MAGEA4: variants seen among roughly 807,000 people sequenced by gnomAD.
The protein encoded by MAGEA4 is melanoma-associated antigen 4.
Under a neutral mutation model 13.7 loss-of-function variants are expected in MAGEA4, and 1 was observed. The observed-to-expected ratio is 0.07, with a 90% CI of 0.03 to 0.35. The LOEUF is 0.35. Ranked by LOEUF, MAGEA4 falls within the 10% of genes least tolerant of loss-of-function variation. The probability of loss-of-function intolerance (pLI) is 0.99; values close to 1 mark genes in which losing one functional copy is unlikely to be tolerated. For synonymous variants in MAGEA4, 132 were observed against 101.1 expected, an observed-to-expected ratio of 1.31 and a Z score of -1.83; for missense variants, 312 against 245.1, an observed-to-expected ratio of 1.27 and a Z score of -1.82.
chrX:151,921,048 G>T (rs890642886), intron 1 of MAGEA4, among the ~76,000 whole-genome samples: 1 of 112,116 alleles, frequency 8.9e-6, no homozygotes, highest in Non-Finnish European at 1.9e-5. Context: ...TTAGGAGAGG[G>T]CATGGCCCAG....
chrX:151,924,127 G>A lies in MAGEA4; in HGVS notation c.463G>A (p.Ala155Thr). 8.2e-7 allele frequency: 1 copy of A among 1,212,145 alleles called. No individual in the cohort carries two copies. The highest frequency in any genetic ancestry group is 1.8e-5 in the South Asian group (1 of 57,001). ...KRCFPVIFGKASESLKMIFGI... is the reference protein window; with the variant it reads ...KRCFPVIFGKTSESLKMIFGI... Reference sequence around the variant, plus strand: ...CTGCTTTCCTGTGATCTTCGGCAAAGCCTCCGAGTCCCTGAAGATGATCTT... The same window carrying A: ...CTGCTTTCCTGTGATCTTCGGCAAAACCTCCGAGTCCCTGAAGATGATCTT... The change falls in exon 3 of 3, where the codon GCC (alanine) becomes ACC (threonine). Residue 155 changes from alanine to threonine, a missense_variant. Coordinates refer to ENST00000276344, the MANE Select transcript of MAGEA4 (RefSeq NM_001011548.1).
chrX:151,921,798 C>T (rs1933454879), intron 1 of MAGEA4, among the ~76,000 whole-genome samples: 1 of 108,666 alleles, frequency 9.2e-6, no homozygotes, highest in African/African-American at 3.4e-5. Flanking sequence ...GACCCTGGCC[C>T]TCCTGGGAGA....
Position 151,924,253 on chromosome X carries a change from T to G in MAGEA4, c.589T>G (p.Phe197Val). The change falls in exon 3 of 3, where the codon TTT becomes GTT. Residue 197 changes from phenylalanine to valine, a missense_variant. Transcript: ENST00000276344. ...YDGLLGNNQI[F>V]PKTGLLIIVL... ...TGGCCTGCTGGGTAATAATCAGATC[T>G]TTCCCAAGACAGGCCTTCTGATAAT... 8.3e-7 allele frequency: 1 copy of G among 1,210,022 alleles called. No individual in the cohort carries two copies. Among genetic ancestry groups the G allele is most frequent in the Non-Finnish European group, 1.1e-6 (1 of 894,603 alleles).
At chrX:151,921,512 A>G (rs1438240618) in intron 1 of MAGEA4, among the ~76,000 whole-genome samples, 8 of 112,720 alleles carry the variant, frequency 7.1e-5, no homozygotes, top group African/African-American at 1.3e-4. Flanking sequence ...TCTAGAGTCA[A>G]GAGCTTGGTG....
chrX:151,914,213 CTCTG>C (rs1195993119), intron 1 of MAGEA4: 1 of 6,451 alleles, frequency 1.6e-4, no homozygotes, highest in African/African-American at 7.6e-4. Context: ...AAGCGAGCTG[CTCTG>C]TCTGACCAGC....
intron 1 of MAGEA4, among the ~76,000 whole-genome samples, chrX:151,922,263 G>A (rs1311571958): frequency 9.0e-6 from 1 of 111,602 alleles, no homozygotes; most frequent in Admixed American, 9.4e-5. Context: ...GGGACCAGAG[G>A]AGGGATGGCC....
chrX:151,919,313 C>T (rs1444825626), intron 1 of MAGEA4, among the ~76,000 whole-genome samples: 1 of 81,603 alleles, frequency 1.2e-5, no homozygotes, highest in African/African-American at 4.7e-5. Context: ...ATCCCCCACC[C>T]CCTCCCCTTT....
intron 1 of MAGEA4, among the ~76,000 whole-genome samples, chrX:151,920,129 G>A (rs969481081): frequency 1.9e-5 from 2 of 103,092 alleles, no homozygotes; most frequent in African/African-American, 3.6e-5. Flanking sequence ...AGGTTGAATC[G>A]CATTCCGTTT....
At chrX:151,920,993 A>G (rs866891231) in intron 1 of MAGEA4, among the ~76,000 whole-genome samples, 6 of 111,759 alleles carry the variant, frequency 5.4e-5, no homozygotes, top group African/African-American at 9.8e-5. Flanking sequence ...TTTAAGCCAC[A>G]GGGGACTCTG....
rs373359040 is a variant in MAGEA4, at chrX:151,920,220, T to C, written c.-137-3233T>C. Reference sequence around the variant, plus strand: ...CATTGGGGGTTAGAGAGACGCTAGCTTCTCAGTCTGACAGGCAGCTTGGGA... The same window carrying C: ...CATTGGGGGTTAGAGAGACGCTAGCCTCTCAGTCTGACAGGCAGCTTGGGA... On this transcript the variant is annotated intron_variant, in intron 1 of 2. Transcript: ENST00000276344. Among the ~76,000 whole-genome samples, 3 of 110,163 alleles carry C rather than the reference T, an allele frequency of 2.7e-5. No individual in the cohort carries two copies. In the South Asian group the frequency reaches 1.2e-3, roughly 44 times the overall value.
chrX:151,920,849 G>A (rs1425871318), intron 1 of MAGEA4, among the ~76,000 whole-genome samples: 3 of 110,253 alleles, frequency 2.7e-5, no homozygotes, highest in Non-Finnish European at 5.7e-5. Context: ...TTGTGAAGAG[G>A]CAAAGTGAGA....
chrX:151,924,024 T>C lies in MAGEA4; in HGVS notation c.360T>C (p.Phe120=), dbSNP rs747399608. The C allele has an allele frequency of 3.4e-4, 416 of 1,210,957 alleles. No individual in the cohort carries two copies. Among genetic ancestry groups the C allele is most frequent in the Non-Finnish European group, 4.5e-4 (399 of 895,434 alleles). ...ACAAGGTGGATGAGTTGGCTCATTT[T>C]CTGCTCCGCAAGTATCGAGCCAAGG... ...LSNKVDELAH[F]LLRKYRAKEL... Residue 120 remains phenylalanine (F), a synonymous_variant, in exon 3 of 3, where the codon TTT becomes TTC. Coordinates refer to ENST00000276344, the MANE Select transcript of MAGEA4 (RefSeq NM_001011548.1).
intron 1 of MAGEA4, chrX:151,919,136 G>A: frequency 2.9e-6 from 2 of 692,793 alleles, no homozygotes; most frequent in Non-Finnish European, 3.4e-6. Context: ...CCACCCGTGG[G>A]CTGACTTCTG....
At chrX:151,922,283 A>C (rs1163377912) in intron 1 of MAGEA4, among the ~76,000 whole-genome samples, 1 of 111,365 alleles carries the variant, frequency 9.0e-6, no homozygotes. Context: ...CCTATGTGCC[A>C]ATTTCACTTG....
chrX:151,919,705 G>A, intron 1 of MAGEA4: 1 of 753,704 alleles, frequency 1.3e-6, no homozygotes, highest in Non-Finnish European at 1.6e-6. Context: ...AGCGGGCCAG[G>A]CCCTGTGAGG....
At position 151,923,681 on chromosome X, in the gene MAGEA4, A is replaced by G. The variant is rs781676215; in HGVS notation, c.17A>G (p.Lys6Arg). 5.0e-6 allele frequency: 6 copies of G among 1,211,287 alleles called. No individual in the cohort carries two copies. The Admixed American group carries it at 1.3e-4, about 26-fold the overall frequency. The change falls in exon 3 of 3, where the codon AAG becomes AGG. Residue 6 changes from lysine (K) to arginine (R), a missense_variant. Physicochemically the swap from Lys to Arg is conservative, Grantham distance 26 (BLOSUM62 2). Transcript: ENST00000276344. MSSEQ[K>R]SQHCKPEEGV... ...AGAGTCATCATGTCTTCTGAGCAGA[A>G]GAGTCAGCACTGCAAGCCTGAGGAA...
intron 1 of MAGEA4, among the ~76,000 whole-genome samples, chrX:151,917,998 C>T (rs1330981345): frequency 2.6e-5 from 2 of 76,933 alleles, no homozygotes; most frequent in East Asian, 8.5e-4. Flanking sequence ...CCCATCCCCG[C>T]CCCCATCCCC....
At position 151,924,682 on chromosome X, in the gene MAGEA4, G is replaced by T; in HGVS notation, c.*64G>T. The T allele has an allele frequency of 9.2e-7, 1 of 1,081,375 alleles. No homozygotes were observed. The highest frequency in any genetic ancestry group is 1.8e-5 in the African/African-American group (1 of 54,155). 89.1% of individuals were successfully genotyped at this position (1,081,375 alleles called of 1,213,427 possible). Reference sequence around the variant, plus strand: ...CTGGGCCAGTGCATCTAACAGCCCTGTGCAGCAGCTTCCCTTGCCTCGTGT... The same window carrying T: ...CTGGGCCAGTGCATCTAACAGCCCTTTGCAGCAGCTTCCCTTGCCTCGTGT... On this transcript the variant is annotated 3_prime_UTR_variant, in exon 3 of 3. Transcript: ENST00000276344.
rs200666877 is a variant in MAGEA4 at position 151,924,460 on chromosome X, A to G, written c.796A>G (p.Asn266Asp). Residue 266 changes from asparagine (N) to aspartate (D), a missense_variant, in exon 3 of 3, where the codon AAT (asparagine) becomes GAT (aspartate). Coordinates refer to ENST00000276344, the MANE Select transcript of MAGEA4 (RefSeq NM_001011548.1). ...YLEYRQVPGS[N>D]PARYEFLWGP... ...GGAGTACCGGCAGGTACCCGGCAGT[A>G]ATCCTGCGCGCTATGAGTTCCTGTG... The G allele has an allele frequency of 1.2e-4, 143 of 1,210,320 alleles. 1 individual carries two copies. Among genetic ancestry groups the G allele is most frequent in the Admixed American group, 7.4e-4 (34 of 45,868 alleles).
Sources: allele counts gnomAD v4.1 joint callset (sites outside exome capture counted in the v4.1 genomes callset), GRCh38; gene constraint gnomAD v4.1.1; transcripts MANE v1.5; gene names NCBI Gene and HGNC (gene_info 2026-07-23, HGNC 2026-07-21).